Variants in PTPRD observed in about 807,000 individuals in gnomAD.
PTPRD encodes the protein receptor-type tyrosine-protein phosphatase delta.
A neutral mutation model predicts 214.5 loss-of-function variants in PTPRD; 34 were observed. That is an observed-to-expected ratio of 0.16 (90% CI 0.12 to 0.21). PTPRD has a LOEUF of 0.21. Ranked by LOEUF, PTPRD falls within the 10% of genes least tolerant of loss-of-function variation. The probability of loss-of-function intolerance (pLI) is 1.00; values close to 1 mark genes in which losing one functional copy is unlikely to be tolerated. For synonymous variants in PTPRD, 1,128 were observed against 845.7 expected (o/e 1.33, Z -5.79); for missense variants, 2,545 against 2,398.7 (o/e 1.06, Z -1.27).
In PTPRD at chr9:10,385,827, A is replaced by G. The variant is rs1414083269; in HGVS notation, c.-599-44810T>C. Among the ~76,000 whole-genome samples the G allele has an allele frequency of 2.0e-5, 3 of 150,556 alleles. No individual in the cohort carries two copies. In the Admixed American group the frequency reaches 2.0e-4, roughly 10 times the overall value. On this transcript the variant is annotated intron_variant, in intron 2 of 45. Coordinates refer to ENST00000381196, the MANE Select transcript of PTPRD (RefSeq NM_002839.4). ...TGGTGAAAGGTGATAGATGGTCAAT[A>G]ATGTAAATACTAAATTCTTTTCTTT...
At position 9,945,425 on chromosome 9, in the gene PTPRD, G is replaced by C. The variant is rs530395639; in HGVS notation, c.-471-6815C>G. ...TGGGTAGTCCAACTTTTAGATACTG[G>C]TGATATGAAGATAAAAATCAAGAAG... is the stretch of plus-strand genomic sequence containing the variant. On this transcript the variant is annotated intron_variant, in intron 4 of 45. Transcript: ENST00000381196. 2.6e-5 allele frequency among the ~76,000 whole-genome samples: 4 copies of C among 152,200 alleles called. No individual in the cohort carries two copies. In the East Asian group the frequency reaches 7.8e-4, roughly 30 times the overall value.
intron 9 of PTPRD, among the ~76,000 whole-genome samples, chr9:9,296,885 A>C (rs1043007096): frequency 3.3e-5 from 5 of 151,768 alleles, no homozygotes; most frequent in Admixed American, 1.3e-4. Context: ...GTAATATGGG[A>C]GGTTCTAGAA....
At chr9:10,493,422 C>T (rs982950385) in intron 2 of PTPRD, among the ~76,000 whole-genome samples, 1 of 152,040 alleles carries the variant, frequency 6.6e-6, no homozygotes, top group African/African-American at 2.4e-5. Flanking sequence ...TGGAACAGAA[C>T]AGAGGCCTCA....
chr9:10,161,709 C>A (rs1213056673), intron 3 of PTPRD, among the ~76,000 whole-genome samples: 6 of 151,472 alleles, frequency 4.0e-5, no homozygotes, highest in Non-Finnish European at 7.4e-5. Context: ...TTATATCAAG[C>A]TAAAAACCTT....
At chr9:10,375,942 C>G (rs2097719578) in intron 2 of PTPRD, among the ~76,000 whole-genome samples, 1 of 151,898 alleles carries the variant, frequency 6.6e-6, no homozygotes, top group South Asian at 2.1e-4. Flanking sequence ...TATTAACTAG[C>G]TTTCTTTTAA....
At chr9:8,481,293 T>C (rs2096880406) in intron 30 of PTPRD, among the ~76,000 whole-genome samples, 1 of 139,128 alleles carries the variant, frequency 7.2e-6, no homozygotes, top group Admixed American at 7.3e-5. Flanking sequence ...CTGATTTTAG[T>C]AATAATCTTT....
At chr9:9,676,387 T>G (rs1157694105) in intron 7 of PTPRD, among the ~76,000 whole-genome samples, 7 of 151,636 alleles carry the variant, frequency 4.6e-5, no homozygotes, top group Non-Finnish European at 7.4e-5. Flanking sequence ...TTTGGTTTTT[T>G]GTCCTTGTGA....
At chr9:8,541,231 T>C (rs571964687) in intron 14 of PTPRD, among the ~76,000 whole-genome samples, 51 of 152,130 alleles carry the variant, frequency 3.4e-4, no homozygotes, top group African/African-American at 1.2e-3. Flanking sequence ...GAACTAGGTT[T>C]TTTGTTTTGC....
At chr9:8,888,342 G>T (rs2098508996) in intron 11 of PTPRD, among the ~76,000 whole-genome samples, 1 of 152,050 alleles carries the variant, frequency 6.6e-6, no homozygotes, top group Non-Finnish European at 1.5e-5. Context: ...ATATAATTGG[G>T]TGATATAATC....
At chr9:9,611,289 A>G (rs1411748607) in intron 7 of PTPRD, among the ~76,000 whole-genome samples, 1 of 152,156 alleles carries the variant, frequency 6.6e-6, no homozygotes, top group East Asian at 1.9e-4. Flanking sequence ...AAAATACGCA[A>G]ATGATTTAAT....
intron 4 of PTPRD, among the ~76,000 whole-genome samples, chr9:10,014,307 T>C (rs1588927336): frequency 6.6e-6 from 1 of 152,002 alleles, no homozygotes; most frequent in East Asian, 1.9e-4. Context: ...ATTCAGGTAA[T>C]TAGGTTGCAA....
intron 8 of PTPRD, among the ~76,000 whole-genome samples, chr9:9,446,604 G>T (rs931187628): frequency 3.9e-5 from 6 of 152,078 alleles, no homozygotes; most frequent in Admixed American, 6.6e-5. Context: ...CCCAGTCAAT[G>T]TTATTGTCAA....
chr9:9,875,115 C>T (rs1238255918), intron 5 of PTPRD, among the ~76,000 whole-genome samples: 1 of 152,048 alleles, frequency 6.6e-6, no homozygotes, highest in East Asian at 1.9e-4. Flanking sequence ...ATATTTAGTT[C>T]TTACTGAGAT....
intron 9 of PTPRD, among the ~76,000 whole-genome samples, chr9:9,328,570 A>G (rs2802284): frequency 6.8e-6 from 1 of 147,114 alleles, no homozygotes; most frequent in African/African-American, 2.5e-5. Flanking sequence ...TGAGCAAAAC[A>G]TGGTCAAATT....
intron 10 of PTPRD, among the ~76,000 whole-genome samples, chr9:9,101,547 T>C (rs1172643611): frequency 6.6e-6 from 1 of 152,198 alleles, no homozygotes; most frequent in Non-Finnish European, 1.5e-5. Context: ...TGCTCAAGAT[T>C]GTCATGACTG....
intron 9 of PTPRD, among the ~76,000 whole-genome samples, chr9:9,199,160 G>A (rs909792777): frequency 6.6e-6 from 1 of 152,056 alleles, no homozygotes; most frequent in Admixed American, 6.6e-5. Context: ...AAAAGAAAGA[G>A]GAGAGAATGA....
At chr9:10,468,532 A>G (rs1451137485) in intron 2 of PTPRD, among the ~76,000 whole-genome samples, 1 of 152,212 alleles carries the variant, frequency 6.6e-6, no homozygotes, top group East Asian at 1.9e-4. Context: ...TAGCATTAAA[A>G]GAAATACTTA....
In PTPRD at chr9:9,938,584, A is replaced by T. The variant is rs1437141159; in HGVS notation, c.-445T>A. ...ACCTCTAACTGGAATATCACGGGCC[A>T]GGAACTGCTTGCCTTTTATTTTCCA... On this transcript the variant is annotated 5_prime_UTR_variant, in exon 5 of 46. Coordinates refer to ENST00000381196, the MANE Select transcript of PTPRD (RefSeq NM_002839.4). 1.3e-5 allele frequency: 2 copies of T among 152,256 alleles called. No homozygotes were observed. Among genetic ancestry groups the T allele is most frequent in the Non-Finnish European group, 2.9e-5 (2 of 68,014 alleles). 9.4% of individuals were successfully genotyped at this position (152,256 alleles called of 1,614,324 possible).
chr9:8,521,214 A>G (rs2138837028), intron 20 of PTPRD, 63 bp downstream of exon 20: 7 of 1,526,210 alleles, frequency 4.6e-6, no homozygotes, highest in Non-Finnish European at 6.2e-6. Flanking sequence ...TGGGCTTTCT[A>G]GAGGCATTAG....
Sources: gnomAD v4.1 joint callset for allele counts (sites outside exome capture counted in the v4.1 genomes callset) on GRCh38, gnomAD v4.1.1 for gene constraint, MANE v1.5 for transcripts, NCBI Gene and HGNC (gene_info 2026-07-23, HGNC 2026-07-21) for gene names.